The following NRROS variants were observed in gnomAD, a reference collection of about 807,000 sequenced individuals.
NRROS encodes the protein negative regulator of reactive oxygen species, also known as transforming growth factor beta activator LRRC33.
NRROS carries 6 observed loss-of-function variants against 12.0 expected under a neutral mutation model. The observed-to-expected ratio is 0.50, with a 90% CI of 0.27 to 0.98. NRROS has a LOEUF of 0.98. Among genes scored for constraint, NRROS ranks in the 50% least tolerant of loss-of-function variants. NRROS has a pLI of 0.11. For missense variants in NRROS, 857 were observed against 888.2 expected (o/e 0.96, Z 0.45); for synonymous variants, 462 against 410.2 (o/e 1.13, Z -1.53).
rs1737483876 is a variant in NRROS, at chr3:196,654,043, AGGAGTAACTCTG to A, written c.-13-480_-13-469del. ...TGTAACAGCCCCACATCAGCAGCTG[AGGAGTAACTCTG>A]GGACAGAGGCCCCCATCCGTGTTTC... On this transcript the variant is annotated intron_variant, in intron 1 of 2. Coordinates refer to ENST00000328557, the MANE Select transcript of NRROS (RefSeq NM_198565.3). This position sits in a 1 kb window ranked among gnomAD's most constrained non-coding sequence, Gnocchi z 4.4. 6.6e-6 allele frequency among the ~76,000 whole-genome samples: 1 copy of A among 152,200 alleles called. No homozygotes were observed. The highest frequency in any genetic ancestry group is 6.5e-5 in the Admixed American group (1 of 15,274).
chr3:196,660,906 C>G lies in NRROS; in HGVS notation c.1263C>G (p.Leu421=). 6.2e-7 allele frequency: 1 copy of G among 1,614,204 alleles called. No homozygotes were observed. Among genetic ancestry groups the G allele is most frequent in the East Asian group, 2.2e-5 (1 of 44,886 alleles). ...AGCTCCTGGGCGTCCCCCCTGGCCT[C>G]TTCGCCAATGCTAGGAACATCACTA... ...SNQLLGVPPG[L]FANARNITTL... The change falls in exon 3 of 3, where the codon CTC becomes CTG. Residue 421 remains leucine, a synonymous_variant. Transcript: ENST00000328557. This position sits in a 1 kb window ranked among gnomAD's most constrained non-coding sequence, Gnocchi z 7.7.
intron 2 of NRROS, among the ~76,000 whole-genome samples, chr3:196,656,702 A>G (rs1737542874): frequency 6.6e-6 from 1 of 152,172 alleles, no homozygotes; most frequent in African/African-American, 2.4e-5. Flanking sequence ...CAGGCACAGG[A>G]AGAGGAGAGA....
chr3:196,653,437 G>A (rs186795223), intron 1 of NRROS, among the ~76,000 whole-genome samples: 1 of 152,358 alleles, frequency 6.6e-6, no homozygotes, highest in Non-Finnish European at 1.5e-5. Context: ...GCGAGCAGGT[G>A]GGGTGAGCTG....
Position 196,661,214 on chromosome 3 carries a change from A to T in NRROS, c.1571A>T (p.His524Leu). ...QVLSLRNMGL[H>L]SSFMALDFSG... ...CTGTCTCTCAGGAACATGGGCCTCC[A>T]CTCCAGCTTTATGGCGTTGGACTTC... The change falls in exon 3 of 3, where the codon CAC becomes CTC. Residue 524 changes from histidine (H) to leucine (L), a missense_variant. His to Leu is a moderately conservative substitution (Grantham distance 99). Transcript: ENST00000328557. 6.2e-7 allele frequency: 1 copy of T among 1,613,574 alleles called. No individual in the cohort carries two copies. The highest frequency in any genetic ancestry group is 8.5e-7 in the Non-Finnish European group (1 of 1,179,896).
chr3:196,658,855 A>T (rs1184552839), intron 2 of NRROS, among the ~76,000 whole-genome samples: 5 of 152,176 alleles, frequency 3.3e-5, no homozygotes. Flanking sequence ...CTGTAATCCC[A>T]GCTACTCGGG....
intron 1 of NRROS, among the ~76,000 whole-genome samples, chr3:196,652,204 A>G (rs550558627): frequency 5.3e-5 from 8 of 152,336 alleles, no homozygotes; most frequent in Middle Eastern, 3.4e-3. Flanking sequence ...GGTATAATTC[A>G]TCCTTCCAGC....
chr3:196,659,845 C>G lies in NRROS; in HGVS notation c.202C>G (p.Pro68Ala). Reference sequence around the variant, plus strand: ...CCGGATGCTCACCCTGGATGCCAACCCTCTCAAGACCCTGTGGAATCACTC... The same window carrying G: ...CCGGATGCTCACCCTGGATGCCAACGCTCTCAAGACCCTGTGGAATCACTC... ...HARMLTLDAN[P>A]LKTLWNHSLQ... Residue 68 changes from proline (P) to alanine (A), a missense_variant, in exon 3 of 3, where the codon CCT becomes GCT. By Grantham distance (27) the Pro-to-Ala change is conservative. Transcript: ENST00000328557. 1.2e-6 allele frequency: 2 copies of G among 1,614,080 alleles called. No individual in the cohort carries two copies. The highest frequency in any genetic ancestry group is 1.7e-6 in the Non-Finnish European group (2 of 1,179,970).
At chr3:196,651,349 G>T (rs1175323281) in intron 1 of NRROS, among the ~76,000 whole-genome samples, 11 of 152,158 alleles carry the variant, frequency 7.2e-5, no homozygotes, top group Admixed American at 6.5e-4. Flanking sequence ...TTAAGACAGA[G>T]GATATTTAAT....
Position 196,654,438 on chromosome 3 carries a change from A to C in NRROS, c.-13-89A>C. 1.2e-6 allele frequency: 1 copy of C among 804,590 alleles called. No individual in the cohort carries two copies. The highest frequency in any genetic ancestry group is 2.2e-6 in the Non-Finnish European group (1 of 448,086). 49.8% of individuals were successfully genotyped at this position (804,590 alleles called of 1,614,324 possible). A position where few individuals can be genotyped will look rare whatever the true frequency, so the allele number is the denominator to read the frequency against. ...TCCACAGAGCTCCAAGACCACATAG[A>C]ATTGGAACTGGCTCCTTCTGCCGAT... is the stretch of plus-strand genomic sequence containing the variant. On this transcript the variant is annotated intron_variant, in intron 1 of 2. Transcript: ENST00000328557. The surrounding 1 kb of genome is among the most constrained non-coding windows in gnomAD (Gnocchi z 4.4).
intron 1 of NRROS, among the ~76,000 whole-genome samples, chr3:196,645,011 G>A (rs777315734): frequency 6.6e-4 from 101 of 152,108 alleles, no homozygotes; most frequent in Non-Finnish European, 1.2e-3. Context: ...ATGGATAGAT[G>A]TATGTTGTTG....
At chr3:196,651,832 G>T (rs181295990) in intron 1 of NRROS, among the ~76,000 whole-genome samples, 1 of 152,314 alleles carries the variant, frequency 6.6e-6, no homozygotes, top group East Asian at 1.9e-4. Flanking sequence ...CTAGGGGTCA[G>T]CGGAAGAAAC....
intron 1 of NRROS, among the ~76,000 whole-genome samples, chr3:196,643,073 CA>C (rs10719005): frequency 0.21 from 26,963 of 129,154 alleles, 2,519 homozygotes; most frequent in South Asian, 0.26. Context: ...AATTCTGTCT[CA>C]AAAAAAAAAA....
At chr3:196,646,011 T>C (rs549537963) in intron 1 of NRROS, among the ~76,000 whole-genome samples, 4 of 152,370 alleles carry the variant, frequency 2.6e-5, no homozygotes, top group African/African-American at 9.6e-5. Context: ...GGGCGTGTCC[T>C]CCTGCAGGCC....
intron 1 of NRROS, among the ~76,000 whole-genome samples, chr3:196,649,609 C>T (rs973631607): frequency 1.3e-5 from 2 of 152,084 alleles, no homozygotes; most frequent in Non-Finnish European, 1.5e-5. Context: ...GTAGCTGGGA[C>T]TACAGGCGCC....
rs1305233464 is a variant in NRROS at position 196,660,477 on chromosome 3, G to A, written c.834G>A (p.Leu278=). ...LPQYSKLRTL[L]LRDNNMGFYR... Reference sequence around the variant, plus strand: ...AGTACAGCAAGTTGCGGACCCTCCTGCTGCGCGACAACAACATGGGCTTCT... The same window carrying A: ...AGTACAGCAAGTTGCGGACCCTCCTACTGCGCGACAACAACATGGGCTTCT... Residue 278 remains leucine, a synonymous_variant, in exon 3 of 3, where the codon CTG becomes CTA. Coordinates refer to ENST00000328557, the MANE Select transcript of NRROS (RefSeq NM_198565.3). The surrounding 1 kb of genome is among the most constrained non-coding windows in gnomAD (Gnocchi z 7.7). 1.2e-6 allele frequency: 2 copies of A among 1,613,970 alleles called. No homozygotes were observed. Among genetic ancestry groups the A allele is most frequent in the African/African-American group, 2.7e-5 (2 of 74,894 alleles).
Position 196,656,899 on chromosome 3 carries a change from G to A in NRROS, c.108+2252G>A, listed in dbSNP as rs1007265128. Among the ~76,000 whole-genome samples, 13 of 152,060 alleles carry A rather than the reference G, an allele frequency of 8.5e-5. No individual in the cohort carries two copies. The East Asian group carries it at 2.1e-3, about 25-fold the overall frequency. ...CTGGCCCTCATCACATTATCCATTT[G>A]ACCTTATTAGAAAGTGGACGTTGGC... On this transcript the variant is annotated intron_variant, in intron 2 of 2. Coordinates refer to ENST00000328557, the MANE Select transcript of NRROS (RefSeq NM_198565.3).
At chr3:196,653,846 T>C (rs1287974549) in intron 1 of NRROS, among the ~76,000 whole-genome samples, 1 of 152,234 alleles carries the variant, frequency 6.6e-6, no homozygotes, top group African/African-American at 2.4e-5. Context: ...TGCTGTTCTC[T>C]GTGCACTGGC....
At chr3:196,650,995 G>A (rs1737412613) in intron 1 of NRROS, among the ~76,000 whole-genome samples, 2 of 152,214 alleles carry the variant, frequency 1.3e-5, no homozygotes, top group Non-Finnish European at 2.9e-5. Context: ...TGGCTTAGAT[G>A]CCCTCTTACA....
rs763356623 is a variant in NRROS at position 196,661,586 on chromosome 3, T to C, written c.1943T>C (p.Leu648Pro). The change falls in exon 3 of 3, where the codon CTG becomes CCG. Residue 648 changes from leucine (L) to proline (P), a missense_variant. By Grantham distance (98) the Leu-to-Pro change is moderately conservative. Coordinates refer to ENST00000328557, the MANE Select transcript of NRROS (RefSeq NM_198565.3). ...PRDCKWERLDLGLLYLVLILP... is the reference protein window; with the variant it reads ...PRDCKWERLDPGLLYLVLILP... The stretch of plus-strand genomic sequence containing the variant: ...GACTGCAAGTGGGAGCGGCTGGACC[T>C]GGGCCTGCTCTACCTCGTGCTCATC... 6.2e-7 allele frequency: 1 copy of C among 1,613,824 alleles called. No individual in the cohort carries two copies. The highest frequency in any genetic ancestry group is 1.7e-5 in the Admixed American group (1 of 60,012).
Sources: gnomAD v4.1 joint callset for allele counts (sites outside exome capture counted in the v4.1 genomes callset) on GRCh38, gnomAD v4.1.1 for gene constraint, Gnocchi (gnomAD v3.1) non-coding constraint, MANE v1.5 for transcripts, NCBI Gene and HGNC (gene_info 2026-07-23, HGNC 2026-07-21) for gene names.